The following NDUFS2 variants were observed in gnomAD, a reference collection of about 807,000 sequenced individuals.
NDUFS2 encodes the protein NADH dehydrogenase [ubiquinone] iron-sulfur protein 2, mitochondrial.
NDUFS2 carries 38 observed loss-of-function variants against 69.6 expected under a neutral mutation model. That is an observed-to-expected ratio of 0.55 (90% confidence interval 0.42 to 0.72). NDUFS2 has a LOEUF of 0.72. Ranked by LOEUF, NDUFS2 falls within the 30% of genes least tolerant of loss-of-function variation. The pLI is 0.00. For synonymous variants in NDUFS2, 194 were observed against 211.2 expected, an observed-to-expected ratio of 0.92 and a Z score of 0.70; for missense variants, 468 against 595.0, an observed-to-expected ratio of 0.79 and a Z score of 2.22.
At chr1:161,197,642 A>G (rs772670350), upstream of NDUFS2, among the ~76,000 whole-genome samples, 85 of 152,136 alleles carry the variant, frequency 5.6e-4, no homozygotes, top group Non-Finnish European at 1.1e-3. Flanking sequence ...AATTTGGAGC[A>G]GAGAAAAGAG....
At chr1:161,212,243 G>C in intron 9 of NDUFS2, 108 bp from the exon 10 acceptor site, 1 of 1,373,386 alleles carries the variant, frequency 7.3e-7, no homozygotes. Context: ...GGAGAAAAGA[G>C]TGGGGAGAGT....
upstream of NDUFS2, chr1:161,197,915 G>T: frequency 6.6e-7 from 1 of 1,505,600 alleles, no homozygotes; most frequent in Non-Finnish European, 8.9e-7. Flanking sequence ...GTGTAAGTGG[G>T]TGGAGAGAGG....
intron 1 of NDUFS2, among the ~76,000 whole-genome samples, chr1:161,202,716 G>A (rs955890704): frequency 2.6e-5 from 4 of 152,196 alleles, no homozygotes; most frequent in Admixed American, 6.5e-5. Flanking sequence ...TTTAGCTTCA[G>A]TAATTTGAAT....
intron 9 of NDUFS2, 153 bp downstream of exon 9, chr1:161,210,863 A>G: frequency 8.4e-7 from 1 of 1,184,692 alleles, no homozygotes; most frequent in East Asian, 2.6e-5. Context: ...TTTCACATAT[A>G]TGGAATCTTA....
chr1:161,197,930 A>G, upstream of NDUFS2: 1 of 1,510,944 alleles, frequency 6.6e-7, no homozygotes, highest in Non-Finnish European at 8.9e-7. Flanking sequence ...GAGAGGGTGA[A>G]TAGGGGTCAG....
At chr1:161,198,664 C>T (rs1664978235), upstream of NDUFS2, 4 of 1,455,992 alleles carry the variant, frequency 2.7e-6, no homozygotes, top group South Asian at 4.3e-5. This position sits in a 1 kb window ranked among gnomAD's most constrained non-coding sequence, Gnocchi z 4.7. Flanking sequence ...CTGAGGCCGT[C>T]TAGGGCACCA....
At position 161,209,597 on chromosome 1, in the gene NDUFS2, T is replaced by G; in HGVS notation, c.627+2T>G. 1.2e-6 allele frequency: 2 copies of G among 1,604,698 alleles called. No individual in the cohort carries two copies. The highest frequency in any genetic ancestry group is 8.5e-7 in the Non-Finnish European group (1 of 1,176,306). On this transcript the variant is annotated splice_donor_variant, in intron 5 of 13. Coordinates refer to ENST00000676972, the MANE Select transcript of NDUFS2 (RefSeq NM_001377299.1). LOFTEE classifies it high-confidence loss of function. ...TGGCTGTTTGAAGAAAGGGAGAAGG[T>G]AAGAGTGGGAGGAAAGGATAGGAAT...
chr1:161,209,724 C>T, intron 5 of NDUFS2, 129 bp downstream of exon 5: 3 of 1,268,698 alleles, frequency 2.4e-6, no homozygotes, highest in Non-Finnish European at 3.4e-6. Context: ...GTATGTTTAA[C>T]TTGGGTTATA....
chr1:161,200,197 T>C (rs1424113867), upstream of NDUFS2, among the ~76,000 whole-genome samples: 1 of 152,028 alleles, frequency 6.6e-6, no homozygotes, highest in Non-Finnish European at 1.5e-5. Context: ...GCATTGTGCA[T>C]ATAGGGAAAT....
At chr1:161,203,638 C>G in intron 2 of NDUFS2, 95 bp downstream of exon 2, 5 of 1,076,924 alleles carry the variant, frequency 4.6e-6, no homozygotes, top group Non-Finnish European at 7.0e-6. Context: ...CTCTGTCTCC[C>G]TGGCTGGAGT....
chr1:161,198,036 C>A (rs745469545), upstream of NDUFS2: 2 of 1,592,368 alleles, frequency 1.3e-6, no homozygotes, highest in Non-Finnish European at 1.7e-6. The surrounding 1 kb of genome is among the most constrained non-coding windows in gnomAD (Gnocchi z 4.7). Flanking sequence ...CCAAGAGGAG[C>A]CTTGACGTTG....
chr1:161,206,326 G>A (rs556270752), intron 2 of NDUFS2, 81 bp from the exon 3 acceptor site: 186 of 1,412,040 alleles, frequency 1.3e-4, no homozygotes, highest in Non-Finnish European at 1.7e-4. Context: ...AAAATCTATA[G>A]GGAGAGGCTA....
Position 161,209,327 on chromosome 1 carries a change from A to G in NDUFS2, c.514+14A>G, listed in dbSNP as rs771608899. 8 of 1,613,726 alleles carry G rather than the reference A, an allele frequency of 5.0e-6. No homozygotes were observed. The highest frequency in any genetic ancestry group is 1.3e-5 in the African/African-American group (1 of 74,772). On this transcript the variant is annotated intron_variant, in intron 4 of 13. Transcript: ENST00000676972. The stretch of plus-strand genomic sequence containing the variant: ...AGTGGATCCGAGGTATGTCCCCCCA[A>G]CTTTTTCTGTGGCCCACTGTGAGCA...
chr1:161,200,585 G>A (rs936256474), upstream of NDUFS2, among the ~76,000 whole-genome samples: 3 of 151,916 alleles, frequency 2.0e-5, no homozygotes, highest in Non-Finnish European at 4.4e-5. Context: ...TGCTCAGGTC[G>A]GTAATACCTG....
intron 1 of NDUFS2, 95 bp from the exon 2 acceptor site, chr1:161,203,341 AG>A: frequency 9.8e-7 from 1 of 1,019,150 alleles, no homozygotes; most frequent in Non-Finnish European, 1.5e-6. Context: ...ACAAAAAAAC[AG>A]GTCATCCTTC....
At chr1:161,211,802 T>C (rs1665782367) in intron 9 of NDUFS2, among the ~76,000 whole-genome samples, 1 of 152,182 alleles carries the variant, frequency 6.6e-6, no homozygotes, top group South Asian at 2.1e-4. Context: ...TCCATTTGAC[T>C]CTCACCCATC....
intron 5 of NDUFS2, 120 bp downstream of exon 5, chr1:161,209,715 T>A: frequency 1.7e-6 from 2 of 1,175,202 alleles, no homozygotes; most frequent in Non-Finnish European, 2.5e-6. Flanking sequence ...AGGGGGAAGG[T>A]ATGTTTAACT....
In NDUFS2 at chr1:161,213,923, T is replaced by G; in HGVS notation, c.1354+2T>G. ...TGGCAGATGTCGTTGCCATCATAGG[T>G]ACGAGGCCTATTGTGTAGTAGAGGT... On this transcript the variant is annotated splice_donor_variant, in intron 13 of 13. Transcript: ENST00000676972. LOFTEE classifies it high-confidence loss of function. The G allele has an allele frequency of 6.2e-7, 1 of 1,614,150 alleles. No individual in the cohort carries two copies. The highest frequency in any genetic ancestry group is 8.5e-7 in the Non-Finnish European group (1 of 1,180,022).
intron 9 of NDUFS2, among the ~76,000 whole-genome samples, 165 bp downstream of exon 9, chr1:161,210,875 T>G (rs1665734993): frequency 6.6e-6 from 1 of 152,224 alleles, no homozygotes; most frequent in Non-Finnish European, 1.5e-5. Flanking sequence ...GGAATCTTAC[T>G]TATTTTTTTC....
Sources: gnomAD v4.1 joint callset for allele counts (sites outside exome capture counted in the v4.1 genomes callset) on GRCh38, gnomAD v4.1.1 for gene constraint, Gnocchi (gnomAD v3.1) non-coding constraint, MANE v1.5 for transcripts, NCBI Gene and HGNC (gene_info 2026-07-23, HGNC 2026-07-21) for gene names.